C10orf90: variants seen among roughly 807,000 people sequenced by gnomAD.
C10orf90 encodes the protein chromosome 10 open reading frame 90.
C10orf90 carries 56 observed loss-of-function variants against 62.5 expected under a neutral mutation model. The observed-to-expected ratio is 0.90, with a 90% CI of 0.72 to 1.12. The LOEUF (loss-of-function observed/expected upper bound fraction) is 1.12, where lower values mean the gene tolerates loss of function less well. C10orf90 is among the 50% of genes most tolerant of loss of function. C10orf90 has a pLI of 0.00. For synonymous variants in C10orf90, 386 were observed against 340.4 expected (o/e 1.13, Z -1.47); for missense variants, 970 against 880.4 (o/e 1.10, Z -1.29).
chr10:126,601,275 C>T (rs1458627929), intron 2 of C10orf90, among the ~76,000 whole-genome samples: 3 of 152,118 alleles, frequency 2.0e-5, no homozygotes, highest in Non-Finnish European at 4.4e-5. Flanking sequence ...ATCAAATGTA[C>T]AACATGAGGA....
intron 2 of C10orf90, among the ~76,000 whole-genome samples, chr10:126,532,608 A>T (rs928264781): frequency 1.3e-5 from 2 of 151,614 alleles, no homozygotes; most frequent in African/African-American, 4.8e-5. Context: ...GAGGCCGAGG[A>T]GGGCAGATCA....
At chr10:126,516,879 C>T (rs1219897949) in intron 2 of C10orf90, among the ~76,000 whole-genome samples, 3 of 152,244 alleles carry the variant, frequency 2.0e-5, no homozygotes, top group Non-Finnish European at 4.4e-5. Flanking sequence ...TAGAGGCTCA[C>T]AGCCCCGCAT....
chr10:126,461,365 G>A (rs892570648), intron 6 of C10orf90, 36 bp downstream of exon 6: 2 of 1,606,450 alleles, frequency 1.2e-6, no homozygotes, highest in African/African-American at 2.7e-5. Context: ...CTCTCCCTTT[G>A]GCAGGAATCA....
rs1019510711 is a variant in C10orf90 at position 126,504,708 on chromosome 10, G to A, written c.783C>T (p.Cys261=). Reference sequence around the variant, plus strand: ...GTGTGTCCTCAGCCCTGCACTTGGGGCACAGAGAGTCCCCAGCAGTCCCCC... The same window carrying A: ...GTGTGTCCTCAGCCCTGCACTTGGGACACAGAGAGTCCCCAGCAGTCCCCC... ...LVWGTAGDSL[C]PKCRAEDTLF... The change falls in exon 4 of 10, where the codon TGC becomes TGT. Residue 261 remains cysteine (C), a synonymous_variant. Coordinates refer to ENST00000488181, the MANE Select transcript of C10orf90 (RefSeq NM_001350921.2). This position sits in a 1 kb window ranked among gnomAD's most constrained non-coding sequence, Gnocchi z 4.1. The A allele has an allele frequency of 2.5e-6, 4 of 1,610,720 alleles. No homozygotes were observed. Among genetic ancestry groups the A allele is most frequent in the Non-Finnish European group, 3.4e-6 (4 of 1,177,996 alleles).
At chr10:126,597,139 T>A (rs1845103174) in intron 2 of C10orf90, among the ~76,000 whole-genome samples, 1 of 152,238 alleles carries the variant, frequency 6.6e-6, no homozygotes, top group African/African-American at 2.4e-5. Context: ...GGAATACTGT[T>A]TGGCAATTTC....
chr10:126,614,556 T>C (rs7898105), intron 2 of C10orf90, among the ~76,000 whole-genome samples: 10,022 of 152,118 alleles, frequency 0.066, 1,028 homozygotes, highest in African/African-American at 0.22. Context: ...TGGGGGTGGA[T>C]GTGGGCCACT....
chr10:126,637,904 A>G (rs980769523), intron 2 of C10orf90, among the ~76,000 whole-genome samples: 2 of 152,188 alleles, frequency 1.3e-5, no homozygotes, highest in Admixed American at 1.3e-4. Context: ...AGAATGAGGA[A>G]GGTACAGTTG....
intron 7 of C10orf90, among the ~76,000 whole-genome samples, chr10:126,433,989 T>C (rs1857750462): frequency 6.6e-6 from 1 of 152,174 alleles, no homozygotes. Flanking sequence ...AAATTGCCTA[T>C]TTCTATATTT....
intron 5 of C10orf90, among the ~76,000 whole-genome samples, chr10:126,464,350 G>C (rs1338982919): frequency 6.6e-6 from 1 of 152,196 alleles, no homozygotes; most frequent in Non-Finnish European, 1.5e-5. Flanking sequence ...TCAACCCAGA[G>C]GACCTGCTGC....
At chr10:126,485,954 A>AC (rs1181552418) in intron 4 of C10orf90, among the ~76,000 whole-genome samples, 1 of 151,882 alleles carries the variant, frequency 6.6e-6, no homozygotes, top group African/African-American at 2.4e-5. Context: ...CTCAAGAAAA[A>AC]AAAAAAACCT....
chr10:126,467,723 T>C (rs571404685), intron 4 of C10orf90, among the ~76,000 whole-genome samples: 1 of 152,102 alleles, frequency 6.6e-6, no homozygotes, highest in Non-Finnish European at 1.5e-5. Flanking sequence ...TCTCACAAAC[T>C]TGATTATCCC....
At position 126,510,167 on chromosome 10, in the gene C10orf90, G is replaced by A. The variant is rs183021184; in HGVS notation, c.405+3681C>T. ...TTCTTTAAAGACCCTACCTCCCAAT[G>A]CAGTCACATTCTGAGAAAGTAGAGG... is the stretch of plus-strand genomic sequence containing the variant. On this transcript the variant is annotated intron_variant, in intron 3 of 9. Transcript: ENST00000488181. Among the ~76,000 whole-genome samples the A allele has an allele frequency of 6.8e-3, 1,029 of 152,222 alleles. 6 individuals carry two copies. Among genetic ancestry groups the A allele is most frequent in the Non-Finnish European group, 0.012 (791 of 68,022 alleles).
At chr10:126,588,579 C>A (rs772892254) in intron 2 of C10orf90, among the ~76,000 whole-genome samples, 2 of 152,156 alleles carry the variant, frequency 1.3e-5, no homozygotes, top group African/African-American at 4.8e-5. Flanking sequence ...CCTCAGCAAA[C>A]CACAGCAGCC....
At chr10:126,575,655 G>T (rs1591113027) in intron 2 of C10orf90, among the ~76,000 whole-genome samples, 1 of 151,962 alleles carries the variant, frequency 6.6e-6, no homozygotes, top group South Asian at 2.1e-4. Flanking sequence ...AAGGCTGGAG[G>T]TATCAGACTA....
intron 3 of C10orf90, among the ~76,000 whole-genome samples, chr10:126,512,311 G>C (rs546249223): frequency 1.8e-3 from 265 of 149,310 alleles, no homozygotes; most frequent in African/African-American, 6.2e-3. Flanking sequence ...GTGTGTGTCT[G>C]TGTGTGTGTG....
In C10orf90 at chr10:126,490,050, T is replaced by TAA. The variant is rs1460973284; in HGVS notation, c.1534+13906_1534+13907insTT. 2.2e-4 allele frequency among the ~76,000 whole-genome samples: 21 copies of TAA among 94,784 alleles called. No homozygotes were observed. The South Asian group carries it at 2.7e-3, about 12-fold the overall frequency. The allele number at this position is 94,784 out of a possible 152,430, so 62.2% of individuals were successfully genotyped here. On this transcript the variant is annotated intron_variant, in intron 4 of 9. Transcript: ENST00000488181. Reference sequence around the variant, plus strand: ...TATAATATATAATATATATTATATATTATGTTATATAATATATAATATATA... The same window carrying TAA: ...TATAATATATAATATATATTATATATAATATGTTATATAATATATAATATATA...
In C10orf90 at chr10:126,514,783, C is replaced by G. The variant is rs541862434; in HGVS notation, c.314-844G>C. Among the ~76,000 whole-genome samples the G allele has an allele frequency of 6.6e-5, 10 of 152,246 alleles. No homozygotes were observed. In the South Asian group the frequency reaches 2.1e-3, roughly 32 times the overall value. ...AGCCACAGCACCGCCCTGCGCCCCCCTCTCCACCCCCCATCTCTAAAAGTG... is the reference window on the plus strand; with the variant it reads ...AGCCACAGCACCGCCCTGCGCCCCCGTCTCCACCCCCCATCTCTAAAAGTG... On this transcript the variant is annotated intron_variant, in intron 2 of 9. Transcript: ENST00000488181.
intron 4 of C10orf90, among the ~76,000 whole-genome samples, chr10:126,473,292 C>T (rs954726432): frequency 6.6e-6 from 1 of 152,222 alleles, no homozygotes; most frequent in Non-Finnish European, 1.5e-5. Flanking sequence ...TCCCCACCAC[C>T]TCTGTTGTCA....
At chr10:126,523,518 T>G (rs578150219) in intron 2 of C10orf90, 1 of 152,240 alleles carries the variant, frequency 6.6e-6, no homozygotes, top group South Asian at 2.1e-4. Flanking sequence ...TATTTTTCCA[T>G]GCATTGCGGA....
Sources: gnomAD v4.1 joint callset for allele counts (sites outside exome capture counted in the v4.1 genomes callset) on GRCh38, gnomAD v4.1.1 for gene constraint, Gnocchi (gnomAD v3.1) non-coding constraint, MANE v1.5 for transcripts, NCBI Gene and HGNC (gene_info 2026-07-23, HGNC 2026-07-21) for gene names.